Variants in SGCZ observed in about 807,000 individuals in gnomAD.
SGCZ encodes sarcoglycan zeta, also known as zeta-sarcoglycan.
In SGCZ, 40 loss-of-function variants were observed where a neutral mutation model predicts 41.3. The ratio of observed to expected loss-of-function variants is 0.97; its 90% CI spans 0.75 to 1.26. SGCZ has a LOEUF of 1.26. SGCZ is among the 50% of genes most tolerant of loss of function. SGCZ has a pLI of 0.00. For missense variants in SGCZ, 552 were observed against 369.8 expected, an observed-to-expected ratio of 1.49 and a Z score of -4.04; for synonymous variants, 206 against 137.5, an observed-to-expected ratio of 1.50 and a Z score of -3.49.
In SGCZ at chr8:14,770,536, T is replaced by C. The variant is rs1205274274; in HGVS notation, c.40-215610A>G. Among the ~76,000 whole-genome samples, 5 of 152,090 alleles carry C rather than the reference T, an allele frequency of 3.3e-5. No homozygotes were observed. In the East Asian group the frequency reaches 5.8e-4, roughly 18 times the overall value. The stretch of plus-strand genomic sequence containing the variant: ...TATTATAAAGTATATATATGGTTTA[T>C]GTTCTCACATAAAATATCTTAAATA... On this transcript the variant is annotated intron_variant, in intron 1 of 7. Coordinates refer to ENST00000382080, the MANE Select transcript of SGCZ (RefSeq NM_139167.4).
chr8:14,551,951 A>T (rs1803883427), intron 2 of SGCZ, among the ~76,000 whole-genome samples: 1 of 151,776 alleles, frequency 6.6e-6, no homozygotes, highest in African/African-American at 2.4e-5. Flanking sequence ...CAATATTTTG[A>T]TAAAAATAAC....
chr8:14,648,176 T>TA (rs1302994076), intron 1 of SGCZ, among the ~76,000 whole-genome samples: 1 of 152,040 alleles, frequency 6.6e-6, no homozygotes, highest in African/African-American at 2.4e-5. Context: ...GGTACATATT[T>TA]AAAAAATCAT....
intron 1 of SGCZ, among the ~76,000 whole-genome samples, chr8:14,749,883 C>T (rs576160641): frequency 6.6e-6 from 1 of 152,056 alleles, no homozygotes; most frequent in East Asian, 1.9e-4. Context: ...TATTTAAACC[C>T]AGAATGTCAA....
chr8:15,180,886 C>CA (rs879712471), intron 1 of SGCZ, among the ~76,000 whole-genome samples: 2,727 of 125,812 alleles, frequency 0.022, 40 homozygotes, highest in African/African-American at 0.058. Flanking sequence ...GACTCCATCT[C>CA]AAAAAAAAAA....
chr8:14,699,396 G>C (rs1399458498), intron 1 of SGCZ, among the ~76,000 whole-genome samples: 2 of 151,674 alleles, frequency 1.3e-5, no homozygotes, highest in Non-Finnish European at 2.9e-5. Flanking sequence ...AGTGGTGCTA[G>C]GGATAACTGA....
intron 2 of SGCZ, among the ~76,000 whole-genome samples, chr8:14,332,196 G>A (rs922059151): frequency 5.9e-5 from 9 of 152,162 alleles, no homozygotes; most frequent in Non-Finnish European, 1.2e-4. Context: ...AGTACTTTGG[G>A]AGGCCGAAGC....
intron 1 of SGCZ, among the ~76,000 whole-genome samples, chr8:14,591,336 G>A (rs537481587): frequency 4.5e-4 from 68 of 151,692 alleles, no homozygotes; most frequent in African/African-American, 1.5e-3. Context: ...AATAATCCAG[G>A]CCCCTTTTAA....
chr8:14,307,402 A>G (rs1401512677), intron 3 of SGCZ, among the ~76,000 whole-genome samples: 1 of 152,178 alleles, frequency 6.6e-6, no homozygotes, highest in Non-Finnish European at 1.5e-5. Flanking sequence ...ATATAAATGC[A>G]TAATTCCTTT....
chr8:14,223,804 T>C (rs1163806371), intron 4 of SGCZ, among the ~76,000 whole-genome samples: 1 of 152,206 alleles, frequency 6.6e-6, no homozygotes, highest in Admixed American at 6.5e-5. Context: ...CAAAATAAAG[T>C]AGGGTAACTC....
At chr8:14,952,303 T>C (rs961356302) in intron 1 of SGCZ, among the ~76,000 whole-genome samples, 2 of 152,140 alleles carry the variant, frequency 1.3e-5, no homozygotes, top group African/African-American at 4.8e-5. Context: ...TTAAAACCAA[T>C]TTGAAGTTAT....
intron 1 of SGCZ, among the ~76,000 whole-genome samples, chr8:14,795,500 T>C (rs1801093083): frequency 6.6e-6 from 1 of 152,098 alleles, no homozygotes; most frequent in Non-Finnish European, 1.5e-5. Flanking sequence ...TGGAGTACAG[T>C]GGTGAAGTCA....
intron 1 of SGCZ, among the ~76,000 whole-genome samples, chr8:15,039,339 G>C (rs1028117384): frequency 9.9e-5 from 15 of 152,122 alleles, no homozygotes; most frequent in African/African-American, 3.4e-4. Flanking sequence ...GATGAACCCA[G>C]ATGACATTAT....
chr8:14,415,454 A>G (rs1471338), intron 2 of SGCZ, among the ~76,000 whole-genome samples: 29,917 of 151,844 alleles, frequency 0.2, 3,694 homozygotes, highest in Non-Finnish European at 0.29. Context: ...TGCATATTTT[A>G]ATAAAAAGAC....
intron 2 of SGCZ, among the ~76,000 whole-genome samples, chr8:14,486,594 A>G (rs988201970): frequency 6.6e-6 from 1 of 152,212 alleles, no homozygotes; most frequent in African/African-American, 2.4e-5. Context: ...GCGCGTGCGC[A>G]CGTGTGTCTT....
intron 1 of SGCZ, among the ~76,000 whole-genome samples, chr8:15,033,954 G>T (rs1331447053): frequency 6.6e-6 from 1 of 152,120 alleles, no homozygotes; most frequent in African/African-American, 2.4e-5. Flanking sequence ...TGGGCTAAGT[G>T]GTCAAGGATT....
chr8:14,654,903 G>A (rs1199178800), intron 1 of SGCZ, among the ~76,000 whole-genome samples: 1 of 152,010 alleles, frequency 6.6e-6, no homozygotes, highest in African/African-American at 2.4e-5. Context: ...CTGACCTTGT[G>A]ATCTATTTTT....
At chr8:14,736,408 G>A (rs953401279) in intron 1 of SGCZ, among the ~76,000 whole-genome samples, 1 of 152,070 alleles carries the variant, frequency 6.6e-6, no homozygotes, top group Non-Finnish European at 1.5e-5. Context: ...ATGAAAGAAA[G>A]CATTTGTTTC....
At chr8:14,118,439 T>C (rs1802592604) in intron 5 of SGCZ, among the ~76,000 whole-genome samples, 1 of 152,266 alleles carries the variant, frequency 6.6e-6, no homozygotes, top group African/African-American at 2.4e-5. Flanking sequence ...AAATTTAAGT[T>C]CTTTGTAGAT....
At chr8:15,101,521 T>C (rs550407736) in intron 1 of SGCZ, among the ~76,000 whole-genome samples, 78 of 152,138 alleles carry the variant, frequency 5.1e-4, no homozygotes, top group African/African-American at 1.9e-3. Context: ...AAATTGCAAA[T>C]TAAAACAACA....
Sources: gnomAD v4.1 joint callset for allele counts (sites outside exome capture counted in the v4.1 genomes callset) on GRCh38, gnomAD v4.1.1 for gene constraint, MANE v1.5 for transcripts, NCBI Gene and HGNC (gene_info 2026-07-23, HGNC 2026-07-21) for gene names.